The following ROR1 variants were observed in gnomAD, a reference collection of about 807,000 sequenced individuals.
The protein encoded by ROR1 is ROR family WNT receptor 1, also known as inactive tyrosine-protein kinase transmembrane receptor ROR1.
In ROR1, 19 loss-of-function variants were observed where a neutral mutation model predicts 78.8. The observed-to-expected ratio is 0.24, with a 90% confidence interval of 0.17 to 0.35. ROR1 has a LOEUF of 0.35. Ranked by LOEUF, ROR1 falls within the 10% of genes least tolerant of loss-of-function variation. The pLI, the probability that ROR1 is intolerant of heterozygous loss-of-function variation, is 1.00. For synonymous variants in ROR1, 386 were observed against 433.6 expected (o/e 0.89, Z 1.36); for missense variants, 917 against 1,177.8 (o/e 0.78, Z 3.24).
At chr1:63,824,746 A>G (rs2043769766) in intron 1 of ROR1, among the ~76,000 whole-genome samples, 1 of 152,196 alleles carries the variant, frequency 6.6e-6, no homozygotes, top group African/African-American at 2.4e-5. Context: ...TACTTTTATT[A>G]TATATTTACT....
chr1:63,935,848 G>C (rs1645789827), intron 1 of ROR1, among the ~76,000 whole-genome samples: 1 of 152,202 alleles, frequency 6.6e-6, no homozygotes, highest in African/African-American at 2.4e-5. Flanking sequence ...TGAAACGTTT[G>C]ACATATTGCA....
At chr1:63,967,348 C>A (rs1260301087) in intron 1 of ROR1, among the ~76,000 whole-genome samples, 1 of 152,124 alleles carries the variant, frequency 6.6e-6, no homozygotes, top group Non-Finnish European at 1.5e-5. Context: ...AAGATACTAT[C>A]CTATAACATA....
chr1:64,154,084 T>G lies in ROR1; in HGVS notation c.1175-4897T>G, dbSNP rs151203635. ...CCCTAACTTATTGTAGTTAAAACCT[T>G]TTCTGCAGGGAAAATTTTAATCAAT... On this transcript the variant is annotated intron_variant, in intron 7 of 8. Transcript: ENST00000371079. 9.9e-3 allele frequency among the ~76,000 whole-genome samples: 1,513 copies of G among 152,328 alleles called. 14 individuals carry two copies. The highest frequency in any genetic ancestry group is 0.071 in the Middle Eastern group (21 of 294).
intron 1 of ROR1, among the ~76,000 whole-genome samples, chr1:63,912,227 AT>A (rs1223372060): frequency 6.6e-6 from 1 of 151,690 alleles, no homozygotes; most frequent in Non-Finnish European, 1.5e-5. Flanking sequence ...GAACCCAGAA[AT>A]TCAAGGCTGC....
chr1:64,160,107 C>T (rs1400747939), intron 8 of ROR1, among the ~76,000 whole-genome samples: 1 of 151,950 alleles, frequency 6.6e-6, no homozygotes, highest in African/African-American at 2.4e-5. Flanking sequence ...ATTCATTCAA[C>T]AAATATTTAT....
intron 2 of ROR1, among the ~76,000 whole-genome samples, chr1:64,038,609 TAA>T (rs1034688015): frequency 6.6e-6 from 1 of 152,170 alleles, no homozygotes; most frequent in Non-Finnish European, 1.5e-5. Flanking sequence ...GAAAATGGGT[TAA>T]GTTTCCCCTT....
chr1:64,072,934 A>T (rs1374580611), intron 4 of ROR1, among the ~76,000 whole-genome samples: 1 of 152,230 alleles, frequency 6.6e-6, no homozygotes, highest in Non-Finnish European at 1.5e-5. Context: ...GTAAATTCAG[A>T]TAAGAATTCA....
At chr1:64,175,002 T>C (rs999874742) in intron 8 of ROR1, among the ~76,000 whole-genome samples, 6 of 149,954 alleles carry the variant, frequency 4.0e-5, no homozygotes, top group Middle Eastern at 3.2e-3. Context: ...GATTCGCCTA[T>C]TGTTTTTTTT....
intron 1 of ROR1, among the ~76,000 whole-genome samples, chr1:63,846,722 T>C (rs6662105): frequency 0.042 from 6,457 of 152,212 alleles, 315 homozygotes; most frequent in African/African-American, 0.11. Flanking sequence ...ACTGAGGCAA[T>C]AGATACAGGA....
intron 1 of ROR1, among the ~76,000 whole-genome samples, chr1:63,853,505 C>G (rs1290645196): frequency 6.6e-6 from 1 of 152,190 alleles, no homozygotes; most frequent in Non-Finnish European, 1.5e-5. Flanking sequence ...GAATGCTCAG[C>G]TGGTATAAAC....
intron 1 of ROR1, among the ~76,000 whole-genome samples, chr1:63,902,402 C>T (rs534184164): frequency 1.3e-5 from 2 of 151,706 alleles, no homozygotes; most frequent in African/African-American, 4.8e-5. Context: ...ACTGCAGCCT[C>T]GACCTCCCAA....
At chr1:63,902,409 C>A (rs76291152) in intron 1 of ROR1, among the ~76,000 whole-genome samples, 8 of 151,950 alleles carry the variant, frequency 5.3e-5, no homozygotes, top group Non-Finnish European at 1.2e-4. Context: ...CCTCGACCTC[C>A]CAAGCTTCAG....
chr1:63,869,136 A>G (rs1465592127), intron 1 of ROR1, among the ~76,000 whole-genome samples: 1 of 152,206 alleles, frequency 6.6e-6, no homozygotes, highest in African/African-American at 2.4e-5. Context: ...TGTGTTTTAG[A>G]GAAGGTATCT....
intron 1 of ROR1, among the ~76,000 whole-genome samples, chr1:63,918,971 C>G (rs1024174728): frequency 6.6e-5 from 10 of 151,262 alleles, no homozygotes; most frequent in African/African-American, 2.2e-4. Context: ...ACCAGTTAGC[C>G]TTGAAAGTTC....
At chr1:64,112,615 A>C (rs930750127) in intron 4 of ROR1, among the ~76,000 whole-genome samples, 6 of 152,044 alleles carry the variant, frequency 3.9e-5, no homozygotes, top group African/African-American at 1.4e-4. Flanking sequence ...CTTTCATAGC[A>C]TCTTTCACCC....
intron 1 of ROR1, among the ~76,000 whole-genome samples, chr1:63,933,032 T>C (rs1645766311): frequency 1.3e-5 from 2 of 152,150 alleles, no homozygotes; most frequent in South Asian, 4.1e-4. Context: ...AGGCCTGAGA[T>C]TGAGCCCAGG....
chr1:63,957,537 A>G (rs10889458), intron 1 of ROR1, among the ~76,000 whole-genome samples: 50,049 of 151,854 alleles, frequency 0.33, 12,401 homozygotes, highest in African/African-American at 0.7. Flanking sequence ...TCATTGTCCC[A>G]CCTTCCCTGA....
At chr1:63,988,687 T>A (rs1646270401) in intron 1 of ROR1, among the ~76,000 whole-genome samples, 1 of 152,180 alleles carries the variant, frequency 6.6e-6, no homozygotes, top group African/African-American at 2.4e-5. Flanking sequence ...CTACTTTCTG[T>A]CCCTATGATT....
At chr1:63,923,081 A>G (rs888925978) in intron 1 of ROR1, among the ~76,000 whole-genome samples, 2 of 152,194 alleles carry the variant, frequency 1.3e-5, no homozygotes, top group African/African-American at 4.8e-5. Flanking sequence ...GGCATGTGAG[A>G]TCACGGGGCT....
Sources: allele counts gnomAD v4.1 joint callset (sites outside exome capture counted in the v4.1 genomes callset), GRCh38; gene constraint gnomAD v4.1.1; transcripts MANE v1.5; gene names NCBI Gene and HGNC (gene_info 2026-07-23, HGNC 2026-07-21).